Variants in CHRM5 observed in about 807,000 individuals in gnomAD.
CHRM5 encodes cholinergic receptor muscarinic 5.
A neutral mutation model predicts 39.0 loss-of-function variants in CHRM5; 18 were observed. The observed-to-expected ratio is 0.46, with a 90% confidence interval of 0.32 to 0.68. The LOEUF (loss-of-function observed/expected upper bound fraction) is 0.68, where lower values mean the gene tolerates loss of function less well. Ranked by LOEUF, CHRM5 falls within the 30% of genes least tolerant of loss-of-function variation. CHRM5 has a pLI of 0.04. For synonymous variants in CHRM5, 241 were observed against 246.3 expected, an observed-to-expected ratio of 0.98 and a Z score of 0.20; for missense variants, 515 against 651.1, an observed-to-expected ratio of 0.79 and a Z score of 2.28.
At chr15:34,037,448 A>G (rs1271998140) in intron 1 of CHRM5, among the ~76,000 whole-genome samples, 1 of 151,166 alleles carries the variant, frequency 6.6e-6, no homozygotes, top group Non-Finnish European at 1.5e-5. Context: ...AACCTGTAAA[A>G]ATAAAGATTA....
chr15:33,989,200 T>C (rs1310199580), intron 1 of CHRM5, among the ~76,000 whole-genome samples: 1 of 152,146 alleles, frequency 6.6e-6, no homozygotes, highest in African/African-American at 2.4e-5. Flanking sequence ...ATCATTTATT[T>C]TTCTAATTAC....
intron 1 of CHRM5, among the ~76,000 whole-genome samples, chr15:33,984,959 T>C (rs907627401): frequency 6.6e-6 from 1 of 152,112 alleles, no homozygotes; most frequent in African/African-American, 2.4e-5. Context: ...ACCAATATTT[T>C]CACCTCAAGA....
At chr15:34,038,984 G>A (rs1235274038) in intron 1 of CHRM5, 37 of 1,113,040 alleles carry the variant, frequency 3.3e-5, no homozygotes, top group Admixed American at 4.9e-5. Flanking sequence ...GGCGATCTCC[G>A]CCAGGCCGGC....
chr15:33,986,314 T>A (rs1332009512), intron 1 of CHRM5, among the ~76,000 whole-genome samples: 1 of 151,962 alleles, frequency 6.6e-6, no homozygotes, highest in African/African-American at 2.4e-5. Flanking sequence ...TTTCACCATG[T>A]TAGCCAGGAT....
At chr15:34,056,960 G>A (rs1315079476) in intron 2 of CHRM5, among the ~76,000 whole-genome samples, 1 of 152,102 alleles carries the variant, frequency 6.6e-6, no homozygotes, top group East Asian at 1.9e-4. Context: ...GATCCCTTGA[G>A]CCCAAGAGGT....
intron 1 of CHRM5, among the ~76,000 whole-genome samples, chr15:34,030,575 G>A (rs1212147821): frequency 2.6e-5 from 4 of 151,848 alleles, no homozygotes; most frequent in East Asian, 1.9e-4. Context: ...TGATCCACCC[G>A]CCTCAGCCTC....
At chr15:33,998,337 C>T (rs528550652) in intron 1 of CHRM5, among the ~76,000 whole-genome samples, 1 of 152,208 alleles carries the variant, frequency 6.6e-6, no homozygotes, top group East Asian at 1.9e-4. Flanking sequence ...AAAAAAATGT[C>T]TTAACTGGCC....
chr15:34,044,086 T>TA (rs1451007454), intron 1 of CHRM5, among the ~76,000 whole-genome samples: 2 of 147,664 alleles, frequency 1.4e-5, no homozygotes, highest in East Asian at 2.0e-4. Context: ...TTTCGCCCTT[T>TA]AAAAAAAATG....
intron 1 of CHRM5, among the ~76,000 whole-genome samples, chr15:33,983,233 T>C (rs539869646): frequency 0.22 from 25,632 of 115,470 alleles, 4,762 homozygotes; most frequent in African/African-American, 0.49. Flanking sequence ...TACACACACA[T>C]ACACACACAC....
chr15:34,022,187 G>C (rs1898231754), intron 1 of CHRM5, among the ~76,000 whole-genome samples: 1 of 152,156 alleles, frequency 6.6e-6, no homozygotes. Context: ...GACATCAAAT[G>C]AATGGCATCA....
rs1211796927 is a variant in CHRM5 at position 34,064,079 on chromosome 15, A to G, written c.1362A>G (p.Thr454=). 1 of 1,614,172 alleles carries G rather than the reference A, an allele frequency of 6.2e-7. No homozygotes were observed. The highest frequency in any genetic ancestry group is 1.1e-5 in the South Asian group (1 of 91,066). The change falls in exon 3 of 3, where the codon ACA becomes ACG. Residue 454 remains threonine, a synonymous_variant. Coordinates refer to ENST00000383263, the MANE Select transcript of CHRM5 (RefSeq NM_012125.4). ...LSAILLAFII[T]WTPYNIMVLV... is the part of the protein sequence containing the mutation. The stretch of plus-strand genomic sequence containing the variant: ...CCATTCTCCTGGCCTTCATCATCAC[A>G]TGGACCCCGTATAACATCATGGTCC...
chr15:34,063,042 C>T lies in CHRM5; in HGVS notation c.325C>T (p.Leu109=). 1 of 1,614,254 alleles carries T rather than the reference C, an allele frequency of 6.2e-7. No homozygotes were observed. Among genetic ancestry groups the T allele is most frequent in the Non-Finnish European group, 8.5e-7 (1 of 1,180,042 alleles). Residue 109 remains leucine (L), a synonymous_variant, in exon 3 of 3, where the codon CTG becomes TTG. Coordinates refer to ENST00000383263, the MANE Select transcript of CHRM5 (RefSeq NM_012125.4). This position sits in a 1 kb window ranked among gnomAD's most constrained non-coding sequence, Gnocchi z 4.1. The stretch of plus-strand genomic sequence containing the variant: ...TCTGGCTTGTGACCTTTGGCTTGCA[C>T]TGGACTACGTGGCCAGCAACGCTTC... The part of the protein sequence containing the change: ...GSLACDLWLA[L]DYVASNASVM...
At position 34,063,039 on chromosome 15, in the gene CHRM5, G is replaced by A; in HGVS notation, c.322G>A (p.Ala108Thr). The A allele has an allele frequency of 1.9e-6, 3 of 1,614,232 alleles. No individual in the cohort carries two copies. The highest frequency in any genetic ancestry group is 2.5e-6 in the Non-Finnish European group (3 of 1,180,046). The change falls in exon 3 of 3, where the codon GCA (alanine) becomes ACA (threonine). Residue 108 changes from alanine (A) to threonine (T), a missense_variant. Transcript: ENST00000383263. The surrounding 1 kb of genome is among the most constrained non-coding windows in gnomAD (Gnocchi z 4.1). The stretch of plus-strand genomic sequence containing the variant: ...GAGTCTGGCTTGTGACCTTTGGCTT[G>A]CACTGGACTACGTGGCCAGCAACGC... ...LGSLACDLWLALDYVASNASV... is the reference protein window; with the variant it reads ...LGSLACDLWLTLDYVASNASV...
At chr15:34,054,683 G>C (rs967230902) in intron 2 of CHRM5, among the ~76,000 whole-genome samples, 1 of 152,086 alleles carries the variant, frequency 6.6e-6, no homozygotes, top group Non-Finnish European at 1.5e-5. Flanking sequence ...GGAGCCTGTG[G>C]GGGTGAGGGT....
At chr15:34,057,185 G>A (rs1900188597) in intron 2 of CHRM5, among the ~76,000 whole-genome samples, 1 of 150,864 alleles carries the variant, frequency 6.6e-6, no homozygotes, top group South Asian at 2.1e-4. Flanking sequence ...CCAGGCTGGA[G>A]TGCAGTCGCA....
intron 1 of CHRM5, chr15:34,003,042 AAGG>A: frequency 6.2e-7 from 1 of 1,613,638 alleles, no homozygotes; most frequent in Non-Finnish European, 8.5e-7. Context: ...CTGCAGAGCT[AAGG>A]AGGACACTGA....
intron 1 of CHRM5, among the ~76,000 whole-genome samples, chr15:34,028,208 C>T (rs975238808): frequency 1.3e-5 from 2 of 152,128 alleles, no homozygotes; most frequent in Non-Finnish European, 2.9e-5. Flanking sequence ...TCTAAATATT[C>T]TATACACATA....
chr15:33,980,808 C>G (rs957546127), intron 1 of CHRM5, among the ~76,000 whole-genome samples: 2 of 152,124 alleles, frequency 1.3e-5, no homozygotes, highest in Non-Finnish European at 2.9e-5. Flanking sequence ...ATATGCAAAA[C>G]ATTATCAACA....
In CHRM5 at chr15:34,008,192, A is replaced by G. The variant is rs1444309820; in HGVS notation, c.-407-38348A>G. On this transcript the variant is annotated intron_variant, in intron 1 of 2. Coordinates refer to ENST00000383263, the MANE Select transcript of CHRM5 (RefSeq NM_012125.4). ...TCCCAGCACTTTGGGAAGCCAAGGCAGAAGGATTGCTTGAGGCCAGGAGTT... is the reference window on the plus strand; with the variant it reads ...TCCCAGCACTTTGGGAAGCCAAGGCGGAAGGATTGCTTGAGGCCAGGAGTT... 2.0e-5 allele frequency among the ~76,000 whole-genome samples: 3 copies of G among 152,080 alleles called. No individual in the cohort carries two copies. In the East Asian group the frequency reaches 5.8e-4, roughly 30 times the overall value.
Sources: allele counts gnomAD v4.1 joint callset (sites outside exome capture counted in the v4.1 genomes callset), GRCh38; gene constraint gnomAD v4.1.1; non-coding constraint Gnocchi (gnomAD v3.1); transcripts MANE v1.5; gene names NCBI Gene and HGNC (gene_info 2026-07-23, HGNC 2026-07-21).